Variants in LARS2 observed in about 807,000 individuals in gnomAD.
LARS2 encodes the protein leucine--tRNA ligase, mitochondrial.
A neutral mutation model predicts 116.6 loss-of-function variants in LARS2; 81 were observed. That is an observed-to-expected ratio of 0.69 (90% confidence interval 0.58 to 0.84). The LOEUF (loss-of-function observed/expected upper bound fraction) is 0.84, where lower values mean the gene tolerates loss of function less well. Ranked by LOEUF, LARS2 falls within the 40% of genes least tolerant of loss-of-function variation. LARS2 has a pLI of 0.00. For synonymous variants in LARS2, 396 were observed against 407.2 expected (o/e 0.97, Z 0.33); for missense variants, 968 against 1,114.5 (o/e 0.87, Z 1.87).
intron 15 of LARS2, among the ~76,000 whole-genome samples, chr3:45,502,458 C>T (rs62243387): frequency 6.6e-6 from 1 of 151,930 alleles, no homozygotes; most frequent in African/African-American, 2.4e-5. Context: ...AATAGTCCAT[C>T]CTTTTCCCCA....
rs766273051 is a variant in LARS2, at chr3:45,518,072, G to C, written c.2214G>C (p.Gln738His). 6.2e-7 allele frequency: 1 copy of C among 1,609,398 alleles called. No homozygotes were observed. Among genetic ancestry groups the C allele is most frequent in the South Asian group, 1.1e-5 (1 of 90,628 alleles). The change falls in exon 18 of 22, where the codon CAG becomes CAC. Residue 738 changes from glutamine (Q) to histidine (H), a missense_variant and splice_region_variant. By Grantham distance (24) the Gln-to-His change is conservative. Coordinates refer to ENST00000645846, the MANE Select transcript of LARS2 (RefSeq NM_015340.4). Reference protein sequence around the residue: ...LWEYKNSVISQVTTHFTEDFS... With the variant: ...LWEYKNSVISHVTTHFTEDFS... ...AGTACAAGAACTCCGTCATCTCTCA[G>C]GTCAGAAACTCTCCAATTCCAGGGG...
chr3:45,498,027 CCA>C (rs1478649525), intron 14 of LARS2, among the ~76,000 whole-genome samples: 1 of 152,236 alleles, frequency 6.6e-6, no homozygotes, highest in African/African-American at 2.4e-5. Context: ...CTTCTCTGGC[CCA>C]CAGAGGGGCT....
intron 8 of LARS2, 105 bp from the exon 9 acceptor site, chr3:45,474,138 T>G: frequency 1.5e-6 from 1 of 645,326 alleles, no homozygotes; most frequent in Non-Finnish European, 2.7e-6. Flanking sequence ...TCCTGGATCT[T>G]CTTTAGTGTC....
intron 6 of LARS2, among the ~76,000 whole-genome samples, chr3:45,430,272 ATT>A (rs58555987): frequency 1.3e-4 from 13 of 96,790 alleles, no homozygotes; most frequent in Non-Finnish European, 1.7e-4. Context: ...GCACCCGGCC[ATT>A]TTTTTTTTTT....
At position 45,474,281 on chromosome 3, in the gene LARS2, T is replaced by C; in HGVS notation, c.789T>C (p.Tyr263=). 6.2e-7 allele frequency: 1 copy of C among 1,611,822 alleles called. No individual in the cohort carries two copies. The highest frequency in any genetic ancestry group is 8.5e-7 in the Non-Finnish European group (1 of 1,178,254). Residue 263 remains tyrosine, a synonymous_variant, in exon 9 of 22, where the codon TAT becomes TAC. Transcript: ENST00000645846. ...QDALADLPEW[Y]GIKGMQAHWI... Reference sequence around the variant, plus strand: ...CGTTGGCAGACCTTCCAGAATGGTATGGAATAAAAGGCATGCAAGCCCACT... The same window carrying C: ...CGTTGGCAGACCTTCCAGAATGGTACGGAATAAAAGGCATGCAAGCCCACT...
At chr3:45,451,743 T>G (rs1699131687) in intron 7 of LARS2, among the ~76,000 whole-genome samples, 1 of 152,148 alleles carries the variant, frequency 6.6e-6, no homozygotes, top group Non-Finnish European at 1.5e-5. Flanking sequence ...CTGTAAATAA[T>G]GTCATTGATA....
intron 4 of LARS2, among the ~76,000 whole-genome samples, chr3:45,408,780 A>G (rs578039261): frequency 1.3e-5 from 2 of 152,324 alleles, no homozygotes; most frequent in African/African-American, 2.4e-5. Flanking sequence ...CCAAACTGCT[A>G]GGTAGATTCA....
chr3:45,442,096 T>G (rs1252773478), intron 6 of LARS2, among the ~76,000 whole-genome samples: 2 of 152,226 alleles, frequency 1.3e-5, no homozygotes, highest in Non-Finnish European at 2.9e-5. Flanking sequence ...GCTATAACTT[T>G]GAATTGCCTG....
chr3:45,513,128 T>G lies in LARS2; in HGVS notation c.1761-7T>G. ...TCCTGTTTTCTTTTCCTGTCATCTT[T>G]CCTCAGGGAGCCTTTTCATAAGCTG... On this transcript the variant is annotated splice_region_variant and splice_polypyrimidine_tract_variant and intron_variant, in intron 15 of 21. Coordinates refer to ENST00000645846, the MANE Select transcript of LARS2 (RefSeq NM_015340.4). 6.3e-7 allele frequency: 1 copy of G among 1,597,466 alleles called. No individual in the cohort carries two copies. Among genetic ancestry groups the G allele is most frequent in the Non-Finnish European group, 8.6e-7 (1 of 1,164,796 alleles).
chr3:45,458,973 G>T, intron 8 of LARS2, 87 bp downstream of exon 8: 3 of 1,385,978 alleles, frequency 2.2e-6, no homozygotes, highest in Admixed American at 1.7e-5. Context: ...GAGCCTCACT[G>T]TTGGGGTTGA....
intron 4 of LARS2, among the ~76,000 whole-genome samples, chr3:45,415,873 A>G (rs1698408078): frequency 7.6e-6 from 1 of 130,734 alleles, no homozygotes; most frequent in African/African-American, 3.4e-5. Context: ...ATATATATAT[A>G]TATAGAGAGA....
intron 14 of LARS2, 77 bp downstream of exon 14, chr3:45,496,450 G>C: frequency 9.5e-7 from 1 of 1,048,036 alleles, no homozygotes; most frequent in Non-Finnish European, 1.5e-6. Flanking sequence ...GATGGAATTA[G>C]ACATGCAAGA....
At chr3:45,405,223 G>A (rs1235352957) in intron 4 of LARS2, among the ~76,000 whole-genome samples, 1 of 151,992 alleles carries the variant, frequency 6.6e-6, no homozygotes, top group East Asian at 1.9e-4. Flanking sequence ...CAAAGGGCTA[G>A]GATTACAGGC....
chr3:45,469,369 A>T (rs2125715607), intron 8 of LARS2, among the ~76,000 whole-genome samples: 1 of 152,202 alleles, frequency 6.6e-6, no homozygotes, highest in South Asian at 2.1e-4. Context: ...TTTTTGAGAC[A>T]GACTCTCACT....
Position 45,517,929 on chromosome 3 carries a change from TG to T in LARS2, c.2073del (p.Trp691CysfsTer8). ...KTDALPGVLR[W>X]QQRLWTLTTR... is the part of the protein sequence containing the mutation. ...TGATGCTCTCCCTGGGGTGCTGAGA[TG>T]GCAACAACGACTGTGGACCTTGACA... On this transcript the variant is annotated frameshift_variant, in exon 18 of 22. Coordinates refer to ENST00000645846, the MANE Select transcript of LARS2 (RefSeq NM_015340.4). LOFTEE classifies it high-confidence loss of function. The T allele has an allele frequency of 2.5e-6, 4 of 1,613,790 alleles. No homozygotes were observed. The highest frequency in any genetic ancestry group is 3.4e-6 in the Non-Finnish European group (4 of 1,179,860).
At chr3:45,482,293 C>T (rs1304147819) in intron 10 of LARS2, among the ~76,000 whole-genome samples, 1 of 152,158 alleles carries the variant, frequency 6.6e-6, no homozygotes, top group Non-Finnish European at 1.5e-5. Context: ...ATGTTTGGGG[C>T]TATTATGGAG....
intron 4 of LARS2, among the ~76,000 whole-genome samples, chr3:45,400,965 C>G (rs966168246): frequency 1.3e-5 from 2 of 151,956 alleles, no homozygotes; most frequent in African/African-American, 2.4e-5. Context: ...AGGTGCCCAC[C>G]ACCACGCCTG....
chr3:45,543,789 A>T (rs1187490821), intron 21 of LARS2, among the ~76,000 whole-genome samples: 1 of 152,174 alleles, frequency 6.6e-6, no homozygotes, highest in African/African-American at 2.4e-5. Flanking sequence ...ATTTAATTTG[A>T]GTAATGTTTA....
At position 45,530,335 on chromosome 3, in the gene LARS2, C is replaced by A. The variant is rs528047798; in HGVS notation, c.2404+6227C>A. 2.2e-4 allele frequency among the ~76,000 whole-genome samples: 34 copies of A among 152,278 alleles called. 2 individuals are homozygous for A. In the South Asian group the frequency reaches 6.0e-3, roughly 27 times the overall value. ...CAAAGATCAAGACCATCTTGGCCAA[C>A]ATGGTGAAACCCCATCTCTATTAAA... is the stretch of plus-strand genomic sequence containing the variant. On this transcript the variant is annotated intron_variant, in intron 20 of 21. Coordinates refer to ENST00000645846, the MANE Select transcript of LARS2 (RefSeq NM_015340.4).
Sources: allele counts gnomAD v4.1 joint callset (sites outside exome capture counted in the v4.1 genomes callset), GRCh38; gene constraint gnomAD v4.1.1; transcripts MANE v1.5; gene names NCBI Gene and HGNC (gene_info 2026-07-23, HGNC 2026-07-21).